The following PACRG variants were observed in gnomAD, a reference collection of about 807,000 sequenced individuals.
PACRG encodes the protein parkin coregulated gene protein.
A neutral mutation model predicts 29.7 loss-of-function variants in PACRG; 29 were observed. That is an observed-to-expected ratio of 0.98 (90% CI 0.73 to 1.33). The LOEUF (loss-of-function observed/expected upper bound fraction) is 1.33, where lower values mean the gene tolerates loss of function less well. PACRG is among the 40% of genes most tolerant of loss of function. The pLI is 0.00. For missense variants in PACRG, 279 were observed against 316.2 expected (o/e 0.88, Z 0.89); for synonymous variants, 116 against 118.7 (o/e 0.98, Z 0.15).
chr6:162,994,761 C>G (rs1049798574), intron 2 of PACRG, among the ~76,000 whole-genome samples: 1 of 150,306 alleles, frequency 6.7e-6, no homozygotes, highest in Non-Finnish European at 1.5e-5. Flanking sequence ...ATTCTCCATC[C>G]AGCTTTGTTC....
chr6:163,223,351 G>A (rs190635492), intron 4 of PACRG, among the ~76,000 whole-genome samples: 4 of 152,224 alleles, frequency 2.6e-5, no homozygotes, highest in African/African-American at 9.6e-5. Flanking sequence ...CCGAGATTGC[G>A]CCGTTGCACT....
intron 4 of PACRG, among the ~76,000 whole-genome samples, chr6:163,145,831 G>T (rs886897872): frequency 6.6e-6 from 1 of 152,200 alleles, no homozygotes; most frequent in Non-Finnish European, 1.5e-5. Flanking sequence ...CTGGCTTTGG[G>T]TGTGTCTAGG....
At chr6:162,855,331 A>G (rs1382067590) in intron 2 of PACRG, among the ~76,000 whole-genome samples, 1 of 152,240 alleles carries the variant, frequency 6.6e-6, no homozygotes. Flanking sequence ...TAGTAGGAAA[A>G]GTGGTCTCTG....
rs1192608357 is a variant in PACRG, at chr6:162,809,018, GA to G, written c.157-5128del. Reference sequence around the variant, plus strand: ...TCCCAGAATTAATTATATTTCGCTTGATTTTTTTTATGTACAGATGTTTAGG... The same window carrying G: ...TCCCAGAATTAATTATATTTCGCTTGTTTTTTTTATGTACAGATGTTTAGG... On this transcript the variant is annotated intron_variant, in intron 1 of 4. Transcript: ENST00000366888. 4.6e-5 allele frequency among the ~76,000 whole-genome samples: 7 copies of G among 151,228 alleles called. No individual in the cohort carries two copies. The East Asian group carries it at 1.4e-3, about 30-fold the overall frequency.
intron 2 of PACRG, among the ~76,000 whole-genome samples, chr6:162,968,571 C>G (rs1303749034): frequency 6.6e-6 from 1 of 152,180 alleles, no homozygotes; most frequent in Non-Finnish European, 1.5e-5. Context: ...GAGTTAACTT[C>G]CTGCTTTCTT....
At chr6:162,900,189 C>G (rs1413516527) in intron 2 of PACRG, among the ~76,000 whole-genome samples, 1 of 152,020 alleles carries the variant, frequency 6.6e-6, no homozygotes, top group Non-Finnish European at 1.5e-5. Context: ...GGTAAAGGAA[C>G]CAACACGCAC....
chr6:162,728,110 C>T lies in PACRG; in HGVS notation c.-126C>T, dbSNP rs1779417680. The T allele has an allele frequency of 1.7e-6, 2 of 1,161,980 alleles. No homozygotes were observed. The highest frequency in any genetic ancestry group is 2.4e-5 in the East Asian group (1 of 42,532). 72.0% of individuals were successfully genotyped at this position (1,161,980 alleles called of 1,614,324 possible). The stretch of plus-strand genomic sequence containing the variant: ...AACATCTGGATCAACCTGGGCACTA[C>T]GAGGGGTTGAATTTCTACCATTATC... On this transcript the variant is annotated 5_prime_UTR_variant, in exon 1 of 5. The change creates a new upstream start codon in the 5' untranslated region. Coordinates refer to ENST00000366888, the MANE Select transcript of PACRG (RefSeq NM_001080379.2).
At chr6:163,135,746 T>C (rs1426684339) in intron 4 of PACRG, among the ~76,000 whole-genome samples, 1 of 152,204 alleles carries the variant, frequency 6.6e-6, no homozygotes, top group Non-Finnish European at 1.5e-5. Context: ...GGCTCTCCGA[T>C]CTACAAGCCC....
At chr6:162,890,434 A>G (rs1049705356) in intron 2 of PACRG, among the ~76,000 whole-genome samples, 1 of 152,122 alleles carries the variant, frequency 6.6e-6, no homozygotes, top group African/African-American at 2.4e-5. Context: ...AAAAAAAGAA[A>G]GTTTGTTCTA....
intron 2 of PACRG, among the ~76,000 whole-genome samples, chr6:162,881,907 C>G (rs1793886754): frequency 7.6e-6 from 1 of 132,304 alleles, no homozygotes; most frequent in Non-Finnish European, 1.6e-5. Flanking sequence ...TCTGAGGCCT[C>G]TCTCCACCAA....
At chr6:163,039,752 A>G (rs1808516031) in intron 2 of PACRG, among the ~76,000 whole-genome samples, 1 of 152,238 alleles carries the variant, frequency 6.6e-6, no homozygotes, top group South Asian at 2.1e-4. Context: ...TAAGCAGCAA[A>G]GCATTCAAGA....
chr6:163,157,275 A>G (rs1585276150), intron 4 of PACRG, among the ~76,000 whole-genome samples: 1 of 152,164 alleles, frequency 6.6e-6, no homozygotes, highest in East Asian at 1.9e-4. Flanking sequence ...CTCTGTGTCT[A>G]CTAGTTCTGC....
At chr6:162,964,987 A>C (rs1800912455) in intron 2 of PACRG, among the ~76,000 whole-genome samples, 1 of 152,180 alleles carries the variant, frequency 6.6e-6, no homozygotes, top group African/African-American at 2.4e-5. Context: ...AGTGTGATGT[A>C]GGACATTGGA....
At chr6:162,891,381 A>G (rs2128040133) in intron 2 of PACRG, among the ~76,000 whole-genome samples, 1 of 152,280 alleles carries the variant, frequency 6.6e-6, no homozygotes, top group East Asian at 1.9e-4. Context: ...TCCCTCCCTC[A>G]TGCACCTGAA....
At chr6:162,902,607 A>G (rs952531899) in intron 2 of PACRG, among the ~76,000 whole-genome samples, 4 of 152,226 alleles carry the variant, frequency 2.6e-5, no homozygotes, top group African/African-American at 9.6e-5. Flanking sequence ...ATCAAAAGAA[A>G]AGCAAAACAA....
intron 2 of PACRG, among the ~76,000 whole-genome samples, chr6:162,980,284 T>C (rs1012523896): frequency 2.6e-5 from 4 of 152,284 alleles, no homozygotes; most frequent in South Asian, 2.1e-4. Flanking sequence ...GTCATAAATG[T>C]ATGCCTAATA....
chr6:163,083,020 G>A (rs926811471), intron 3 of PACRG, among the ~76,000 whole-genome samples: 2 of 152,202 alleles, frequency 1.3e-5, no homozygotes, highest in African/African-American at 2.4e-5. Context: ...GGTTGGAATA[G>A]TTTATAACAT....
At chr6:162,730,887 A>T (rs982589016) in intron 1 of PACRG, among the ~76,000 whole-genome samples, 2 of 152,140 alleles carry the variant, frequency 1.3e-5, no homozygotes, top group Non-Finnish European at 2.9e-5. Context: ...TTCCTTTAAA[A>T]GTCTTGTTTG....
chr6:162,785,199 A>G (rs1043291716), intron 1 of PACRG, among the ~76,000 whole-genome samples: 6 of 145,924 alleles, frequency 4.1e-5, no homozygotes, highest in Non-Finnish European at 9.0e-5. Flanking sequence ...AGAGAGAGAG[A>G]GAGGGAGAGA....
Sources: allele counts gnomAD v4.1 joint callset (sites outside exome capture counted in the v4.1 genomes callset), GRCh38; gene constraint gnomAD v4.1.1; transcripts MANE v1.5; gene names NCBI Gene and HGNC (gene_info 2026-07-23, HGNC 2026-07-21).